Variants in PCDHGA12 observed in about 807,000 individuals in gnomAD.
PCDHGA12 encodes protocadherin gamma-A12.
Under a neutral mutation model 61.1 loss-of-function variants are expected in PCDHGA12, and 43 were observed. That is an observed-to-expected ratio of 0.70 (90% CI 0.55 to 0.91). PCDHGA12 has a LOEUF of 0.91. PCDHGA12 is among the 40% of genes least tolerant of loss of function. The pLI is 0.00. For synonymous variants in PCDHGA12, 520 were observed against 542.9 expected (o/e 0.96, Z 0.59); for missense variants, 1,236 against 1,227.7 (o/e 1.01, Z -0.10).
intron 1 of PCDHGA12, among the ~76,000 whole-genome samples, chr5:141,458,408 C>A (rs895785923): frequency 6.6e-6 from 1 of 151,932 alleles, no homozygotes; most frequent in East Asian, 1.9e-4. Flanking sequence ...AGAGACGGAG[C>A]GGGGGTTCCA....
chr5:141,446,482 C>A (rs961785845), intron 1 of PCDHGA12, among the ~76,000 whole-genome samples: 2 of 146,988 alleles, frequency 1.4e-5, no homozygotes, highest in Non-Finnish European at 3.0e-5. Flanking sequence ...GGTCATCATT[C>A]TTTTTTTTTT....
intron 1 of PCDHGA12, among the ~76,000 whole-genome samples, chr5:141,435,715 A>T (rs528951395): frequency 5.9e-5 from 9 of 152,210 alleles, no homozygotes; most frequent in Non-Finnish European, 1.0e-4. Context: ...ACAGACACTG[A>T]ATGCTAAAGT....
At chr5:141,457,940 T>G (rs541807221) in intron 1 of PCDHGA12, among the ~76,000 whole-genome samples, 2 of 152,356 alleles carry the variant, frequency 1.3e-5, no homozygotes, top group East Asian at 3.9e-4. Flanking sequence ...TTTTATTGGC[T>G]CTGCATGTCA....
At chr5:141,507,815 C>G (rs936926937) in intron 3 of PCDHGA12, among the ~76,000 whole-genome samples, 2 of 152,204 alleles carry the variant, frequency 1.3e-5, no homozygotes, top group African/African-American at 4.8e-5. Context: ...GGAACGGACC[C>G]TGGGGGTGGA....
intron 1 of PCDHGA12, among the ~76,000 whole-genome samples, chr5:141,464,525 A>G (rs919668801): frequency 3.3e-5 from 5 of 152,064 alleles, no homozygotes; most frequent in Non-Finnish European, 5.9e-5. Context: ...AGGCATATGT[A>G]GTTTTGTTAA....
At chr5:141,465,905 G>C (rs938438286) in intron 1 of PCDHGA12, among the ~76,000 whole-genome samples, 8 of 151,958 alleles carry the variant, frequency 5.3e-5, no homozygotes, top group Non-Finnish European at 8.8e-5. Context: ...GGCAAATCAC[G>C]AGGTCAGGAT....
In PCDHGA12 at chr5:141,431,279, C is replaced by G. The variant is rs1163372308; in HGVS notation, c.520C>G (p.Pro174Ala). Reference sequence around the variant, plus strand: ...CTCTCTGCAGAGCTACGAGCTCAGCCCGAACACTCACTTCTCCCTCATCGT... The same window carrying G: ...CTCTCTGCAGAGCTACGAGCTCAGCGCGAACACTCACTTCTCCCTCATCGT... ...KNSLQSYELSPNTHFSLIVQN... is the reference protein window; with the variant it reads ...KNSLQSYELSANTHFSLIVQN... The change falls in exon 1 of 4, where the codon CCG becomes GCG. Residue 174 changes from proline to alanine, a missense_variant. Coordinates refer to ENST00000252085, the MANE Select transcript of PCDHGA12 (RefSeq NM_003735.3). This position sits in a 1 kb window ranked among gnomAD's most constrained non-coding sequence, Gnocchi z 4.8. 1 of 1,614,028 alleles carries G rather than the reference C, an allele frequency of 6.2e-7. No individual in the cohort carries two copies. Among genetic ancestry groups the G allele is most frequent in the African/African-American group, 1.3e-5 (1 of 74,926 alleles).
At chr5:141,505,241 T>C in intron 2 of PCDHGA12, 152 bp from the exon 3 acceptor site, 3 of 1,396,292 alleles carry the variant, frequency 2.1e-6, no homozygotes, top group South Asian at 1.4e-5. Flanking sequence ...TTCTGAAGGA[T>C]TGTAGAAGTG....
chr5:141,495,276 G>A (rs1350329744), intron 2 of PCDHGA12, among the ~76,000 whole-genome samples: 1 of 152,190 alleles, frequency 6.6e-6, no homozygotes, highest in East Asian at 1.9e-4. Flanking sequence ...GACCGGAGGA[G>A]GCGGTCCGCA....
chr5:141,494,316 G>T (rs2099753509), intron 1 of PCDHGA12, among the ~76,000 whole-genome samples: 1 of 152,172 alleles, frequency 6.6e-6, no homozygotes, highest in Admixed American at 6.5e-5. Flanking sequence ...TGCACAACCT[G>T]GCACCAAAAG....
rs1289333371 is a variant in PCDHGA12, at chr5:141,460,404, G to C, written c.2424+27221G>C. Among the ~76,000 whole-genome samples, 21 of 152,038 alleles carry C rather than the reference G, an allele frequency of 1.4e-4. 1 individual carries two copies. The highest frequency in any genetic ancestry group is 1.4e-3 in the Admixed American group (21 of 15,256). Reference sequence around the variant, plus strand: ...TATAATTTGGTCTATGAATCCTTTTGAGTTGATGTTTATGTATGGTGTATG... The same window carrying C: ...TATAATTTGGTCTATGAATCCTTTTCAGTTGATGTTTATGTATGGTGTATG... On this transcript the variant is annotated intron_variant, in intron 1 of 3. Transcript: ENST00000252085.
chr5:141,489,300 C>A lies in PCDHGA12; in HGVS notation c.2425-5507C>A. On this transcript the variant is annotated intron_variant, in intron 1 of 3. Coordinates refer to ENST00000252085, the MANE Select transcript of PCDHGA12 (RefSeq NM_003735.3). The surrounding 1 kb of genome is among the most constrained non-coding windows in gnomAD (Gnocchi z 4.5). ...AATGGCAAGTGCTGTGCATGTTGTC[C>A]TTGTGCTGCTGGGGCTGGGTGTCTG... 1 of 1,585,698 alleles carries A rather than the reference C, an allele frequency of 6.3e-7. No homozygotes were observed. Among genetic ancestry groups the A allele is most frequent in the South Asian group, 1.2e-5 (1 of 85,012 alleles).
chr5:141,491,955 A>T lies in PCDHGA12; in HGVS notation c.2425-2852A>T. Reference sequence around the variant, plus strand: ...GGGACCGACCCCCACCCCTACACTCAAAAAAGGCCGGGGCCTCCTTCGAGC... The same window carrying T: ...GGGACCGACCCCCACCCCTACACTCTAAAAAGGCCGGGGCCTCCTTCGAGC... On this transcript the variant is annotated intron_variant, in intron 1 of 3. Coordinates refer to ENST00000252085, the MANE Select transcript of PCDHGA12 (RefSeq NM_003735.3). This position sits in a 1 kb window ranked among gnomAD's most constrained non-coding sequence, Gnocchi z 6.9. 9.7e-7 allele frequency: 1 copy of T among 1,029,648 alleles called. No homozygotes were observed. The highest frequency in any genetic ancestry group is 2.2e-5 in the South Asian group (1 of 44,530). The allele number at this position is 1,029,648 out of a possible 1,614,324, so 63.8% of individuals were successfully genotyped here. A position where few individuals can be genotyped will look rare whatever the true frequency, so the allele number is the denominator to read the frequency against.
intron 1 of PCDHGA12, chr5:141,442,378 GGT>G (rs2098320015): frequency 6.6e-6 from 1 of 152,334 alleles, no homozygotes; most frequent in Middle Eastern, 3.4e-3. Context: ...ATTCCTACCA[GGT>G]GTGTGCTTCT....
intron 1 of PCDHGA12, chr5:141,475,902 C>A (rs1296545944): frequency 1.7e-6 from 1 of 576,594 alleles, no homozygotes; most frequent in Non-Finnish European, 3.0e-6. Context: ...GTGCCGCTGT[C>A]GGCCAATGAA....
In PCDHGA12 at chr5:141,482,160, T is replaced by C. The variant is rs577572891; in HGVS notation, c.2425-12647T>C. Reference sequence around the variant, plus strand: ...GCATAAAAAGGTCAAGTCAAAGATATGTAAGATTAAGGCTTTACGATGCTC... The same window carrying C: ...GCATAAAAAGGTCAAGTCAAAGATACGTAAGATTAAGGCTTTACGATGCTC... On this transcript the variant is annotated intron_variant, in intron 1 of 3. Coordinates refer to ENST00000252085, the MANE Select transcript of PCDHGA12 (RefSeq NM_003735.3). 1.6e-4 allele frequency among the ~76,000 whole-genome samples: 25 copies of C among 151,966 alleles called. No homozygotes were observed. In the South Asian group the frequency reaches 4.0e-3, roughly 24 times the overall value.
intron 1 of PCDHGA12, among the ~76,000 whole-genome samples, chr5:141,465,368 A>C (rs940928815): frequency 1.3e-5 from 2 of 152,114 alleles, no homozygotes; most frequent in Admixed American, 6.6e-5. Flanking sequence ...TGCCCTTTAA[A>C]GTTGTAAGAT....
chr5:141,501,288 T>TATACACATAC (rs201660636), intron 2 of PCDHGA12, among the ~76,000 whole-genome samples: 2 of 81,228 alleles, frequency 2.5e-5, no homozygotes, highest in African/African-American at 9.9e-5. Flanking sequence ...GATATTCCCT[T>TATACACATAC]ATACACACAC....
At position 141,489,135 on chromosome 5, in the gene PCDHGA12, G is replaced by T; in HGVS notation, c.2425-5672G>T. The T allele has an allele frequency of 1.4e-6, 1 of 725,448 alleles. No individual in the cohort carries two copies. The highest frequency in any genetic ancestry group is 2.1e-6 in the Non-Finnish European group (1 of 470,770). 44.9% of individuals were successfully genotyped at this position (725,448 alleles called of 1,614,324 possible). ...GCAAACCTCCGAGCAGTTTTTAAGA[G>T]GCTGGAAGGAGACATAAGAGACTTC... On this transcript the variant is annotated intron_variant, in intron 1 of 3. Coordinates refer to ENST00000252085, the MANE Select transcript of PCDHGA12 (RefSeq NM_003735.3). The surrounding 1 kb of genome is among the most constrained non-coding windows in gnomAD (Gnocchi z 4.5).
Sources: allele counts gnomAD v4.1 joint callset (sites outside exome capture counted in the v4.1 genomes callset), GRCh38; gene constraint gnomAD v4.1.1; non-coding constraint Gnocchi (gnomAD v3.1); transcripts MANE v1.5; gene names NCBI Gene and HGNC (gene_info 2026-07-23, HGNC 2026-07-21).